Variants in SUGCT observed in about 807,000 individuals in gnomAD.
The protein encoded by SUGCT is succinyl-CoA:glutarate-CoA transferase.
In SUGCT, 41 loss-of-function variants were observed where a neutral mutation model predicts 55.0. The ratio of observed to expected loss-of-function variants is 0.74; its 90% CI spans 0.58 to 0.97. The LOEUF (loss-of-function observed/expected upper bound fraction) is 0.97, where lower values mean the gene tolerates loss of function less well. Ranked by LOEUF, SUGCT falls within the 50% of genes least tolerant of loss-of-function variation. The pLI, the probability that SUGCT is intolerant of heterozygous loss-of-function variation, is 0.00. For missense variants in SUGCT, 568 were observed against 547.8 expected, an observed-to-expected ratio of 1.04 and a Z score of -0.37; for synonymous variants, 187 against 200.4, an observed-to-expected ratio of 0.93 and a Z score of 0.56.
the SUGCT span, among the ~76,000 whole-genome samples, chr7:40,883,333 T>C: frequency 6.6e-6 from 1 of 152,192 alleles, no homozygotes; most frequent in Non-Finnish European, 1.5e-5. Flanking sequence ...TGTGCGACCT[T>C]GAGAATCTCA....
intron 11 of SUGCT, among the ~76,000 whole-genome samples, chr7:40,495,227 C>CTTTTTTT (rs79094909): frequency 7.2e-6 from 1 of 138,576 alleles, no homozygotes; most frequent in Non-Finnish European, 1.6e-5. Context: ...TATTTCTATG[C>CTTTTTTT]TTTTTTTTTT....
chr7:40,950,433 T>A, the SUGCT span, among the ~76,000 whole-genome samples: 26 of 152,332 alleles, frequency 1.7e-4, 1 homozygote, highest in East Asian at 4.8e-3. Flanking sequence ...CTTTTCCTAA[T>A]TGAATACACT....
chr7:40,193,280 GTTTTTTTT>G (rs752659107), intron 5 of SUGCT, among the ~76,000 whole-genome samples: 1 of 87,144 alleles, frequency 1.1e-5, no homozygotes, highest in Non-Finnish European at 2.1e-5. Context: ...CAATTACTGT[GTTTTTTTT>G]TTTTTTTTTT....
At chr7:40,204,232 C>T (rs1786805098) in intron 6 of SUGCT, among the ~76,000 whole-genome samples, 1 of 151,842 alleles carries the variant, frequency 6.6e-6, no homozygotes, top group Non-Finnish European at 1.5e-5. Flanking sequence ...CTCAAGTGAT[C>T]CTCCTGCCTT....
At chr7:40,443,694 T>C (rs1034011264) in intron 9 of SUGCT, among the ~76,000 whole-genome samples, 3 of 152,216 alleles carry the variant, frequency 2.0e-5, no homozygotes, top group African/African-American at 7.2e-5. Flanking sequence ...CTGATGGTAG[T>C]TTCTTTTGCT....
At chr7:40,705,896 G>A (rs775837221) in intron 12 of SUGCT, among the ~76,000 whole-genome samples, 5 of 152,124 alleles carry the variant, frequency 3.3e-5, no homozygotes, top group Non-Finnish European at 5.9e-5. Flanking sequence ...TGAGTTCAGA[G>A]CCATAAAACC....
intron 12 of SUGCT, among the ~76,000 whole-genome samples, chr7:40,500,315 A>G (rs1000276030): frequency 6.6e-6 from 1 of 152,108 alleles, no homozygotes; most frequent in African/African-American, 2.4e-5. Context: ...ATCAGGTGTA[A>G]GACATCACCC....
At chr7:40,568,264 C>T (rs1356245971) in intron 12 of SUGCT, among the ~76,000 whole-genome samples, 4 of 152,098 alleles carry the variant, frequency 2.6e-5, no homozygotes, top group Admixed American at 2.0e-4. Flanking sequence ...ATTCATCATT[C>T]AGGTACATAG....
intron 12 of SUGCT, among the ~76,000 whole-genome samples, chr7:40,743,893 C>CT (rs1167292102): frequency 6.6e-6 from 1 of 151,946 alleles, no homozygotes; most frequent in Non-Finnish European, 1.5e-5. Flanking sequence ...AATAAAGATT[C>CT]TTTTTTTAAA....
At chr7:40,327,937 A>G (rs745555077) in intron 9 of SUGCT, among the ~76,000 whole-genome samples, 68 of 152,320 alleles carry the variant, frequency 4.5e-4, no homozygotes, top group Non-Finnish European at 9.0e-4. Flanking sequence ...TCACATGTGG[A>G]AACTGAGGCA....
At chr7:40,561,872 A>G (rs917941179) in intron 12 of SUGCT, among the ~76,000 whole-genome samples, 3 of 150,764 alleles carry the variant, frequency 2.0e-5, no homozygotes, top group Non-Finnish European at 3.0e-5. Context: ...TTGTATTTTT[A>G]GAAGAGACGG....
At chr7:40,930,196 G>A in the SUGCT span, among the ~76,000 whole-genome samples, 1 of 152,118 alleles carries the variant, frequency 6.6e-6, no homozygotes. Context: ...CCCATTTCTT[G>A]TTTTTGTCAG....
At chr7:40,421,956 G>A (rs1787331410) in intron 9 of SUGCT, among the ~76,000 whole-genome samples, 1 of 152,036 alleles carries the variant, frequency 6.6e-6, no homozygotes, top group South Asian at 2.1e-4. Flanking sequence ...TCCCTTAGGT[G>A]TTAAGACATT....
At chr7:40,240,735 A>G (rs748959937) in intron 7 of SUGCT, among the ~76,000 whole-genome samples, 11 of 152,234 alleles carry the variant, frequency 7.2e-5, no homozygotes, top group Admixed American at 3.3e-4. Flanking sequence ...GTGCTGTAGC[A>G]TAACTCCATG....
intron 12 of SUGCT, among the ~76,000 whole-genome samples, chr7:40,660,990 G>A (rs1454703692): frequency 2.0e-5 from 3 of 152,102 alleles, no homozygotes; most frequent in Non-Finnish European, 2.9e-5. Context: ...TCTACTTGGC[G>A]CCACACCTGT....
chr7:40,500,309 G>T (rs1792208120), intron 12 of SUGCT, among the ~76,000 whole-genome samples: 1 of 152,056 alleles, frequency 6.6e-6, no homozygotes, highest in Non-Finnish European at 1.5e-5. Flanking sequence ...GAATATATCA[G>T]GTGTAAGACA....
chr7:40,806,755 G>C (rs1435865660), intron 13 of SUGCT, among the ~76,000 whole-genome samples: 1 of 152,148 alleles, frequency 6.6e-6, no homozygotes, highest in African/African-American at 2.4e-5. Flanking sequence ...AATAATATTG[G>C]TACAAATGCT....
chr7:40,244,704 G>T (rs1409198461), intron 7 of SUGCT, among the ~76,000 whole-genome samples: 1 of 152,116 alleles, frequency 6.6e-6, no homozygotes. Context: ...CTGTCAAAAG[G>T]CACCGTATTA....
chr7:40,327,664 G>A lies in SUGCT; in HGVS notation c.816+10809G>A, dbSNP rs948263543. Among the ~76,000 whole-genome samples, 14 of 151,928 alleles carry A rather than the reference G, an allele frequency of 9.2e-5. No individual in the cohort carries two copies. In the East Asian group the frequency reaches 2.1e-3, roughly 23 times the overall value. ...TCCCTAGTTCCTTTAAGATTTTTTC[G>A]GCTTTTCTTGTATTCTTAATATATG... On this transcript the variant is annotated intron_variant, in intron 9 of 13. Coordinates refer to ENST00000335693, the MANE Select transcript of SUGCT (RefSeq NM_001193313.2).
Sources: allele counts gnomAD v4.1 joint callset (sites outside exome capture counted in the v4.1 genomes callset), GRCh38; gene constraint gnomAD v4.1.1; transcripts MANE v1.5; gene names NCBI Gene and HGNC (gene_info 2026-07-23, HGNC 2026-07-21).